TPD52L1: variants seen among roughly 807,000 people sequenced by gnomAD.
TPD52L1 encodes the protein TPD52 like 1.
A neutral mutation model predicts 28.7 loss-of-function variants in TPD52L1; 18 were observed. The observed-to-expected ratio is 0.63, with a 90% CI of 0.43 to 0.93. TPD52L1 has a LOEUF of 0.93. TPD52L1 is among the 40% of genes least tolerant of loss of function. TPD52L1 has a pLI of 0.00. For missense variants in TPD52L1, 203 were observed against 254.8 expected, an observed-to-expected ratio of 0.80 and a Z score of 1.39; for synonymous variants, 75 against 88.8, an observed-to-expected ratio of 0.84 and a Z score of 0.88.
At chr6:125,231,817 G>C (rs928551605) in intron 3 of TPD52L1, among the ~76,000 whole-genome samples, 1 of 152,136 alleles carries the variant, frequency 6.6e-6, no homozygotes, top group African/African-American at 2.4e-5. Context: ...TTAGGCTCAT[G>C]GTTGCTTGGG....
At chr6:125,202,456 A>T (rs1793853534) in intron 1 of TPD52L1, among the ~76,000 whole-genome samples, 1 of 152,138 alleles carries the variant, frequency 6.6e-6, no homozygotes, top group Non-Finnish European at 1.5e-5. Context: ...GGAGATAAGA[A>T]ACTGGTCCCA....
At chr6:125,214,368 G>A (rs1481433882) in intron 1 of TPD52L1, 1 of 693,280 alleles carries the variant, frequency 1.4e-6, no homozygotes, top group African/African-American at 2.0e-5. Context: ...AGAAAGGTGG[G>A]ACATACACAT....
chr6:125,247,466 C>A (rs1280161041), intron 3 of TPD52L1, among the ~76,000 whole-genome samples: 1 of 152,158 alleles, frequency 6.6e-6, no homozygotes, highest in African/African-American at 2.4e-5. Context: ...TTATCACTTA[C>A]CATCTCCTGT....
intron 3 of TPD52L1, among the ~76,000 whole-genome samples, chr6:125,245,938 A>AC (rs1285232242): frequency 1.3e-5 from 2 of 151,794 alleles, no homozygotes; most frequent in South Asian, 2.1e-4. Context: ...GTTTCCACTC[A>AC]CCCCCCAGAT....
At chr6:125,202,688 T>C (rs1297663795) in intron 1 of TPD52L1, among the ~76,000 whole-genome samples, 4 of 152,040 alleles carry the variant, frequency 2.6e-5, no homozygotes, top group Middle Eastern at 3.4e-3. Flanking sequence ...TTTCTTATAA[T>C]ATAATAAGTG....
intron 1 of TPD52L1, among the ~76,000 whole-genome samples, chr6:125,201,043 TG>T (rs930085535): frequency 6.6e-6 from 1 of 152,226 alleles, no homozygotes; most frequent in Non-Finnish European, 1.5e-5. Context: ...CGTTTCTTTT[TG>T]GAAAAGTTAC....
chr6:125,175,626 A>T (rs923488755), intron 1 of TPD52L1, among the ~76,000 whole-genome samples: 2 of 152,186 alleles, frequency 1.3e-5, no homozygotes, highest in African/African-American at 4.8e-5. Context: ...AAAAATAAAT[A>T]GGGAGAGAGG....
intron 2 of TPD52L1, among the ~76,000 whole-genome samples, chr6:125,221,253 C>T (rs1795211015): frequency 6.6e-6 from 1 of 152,192 alleles, no homozygotes; most frequent in Non-Finnish European, 1.5e-5. Context: ...AGCACAGTGC[C>T]TCAAATCTTT....
At chr6:125,160,724 A>AT (rs111792285) in intron 1 of TPD52L1, among the ~76,000 whole-genome samples, 2,553 of 152,280 alleles carry the variant, frequency 0.017, 78 homozygotes, top group African/African-American at 0.059. Context: ...TTTCATCTAT[A>AT]TGAAAATGTG....
At chr6:125,180,567 T>TACACACAC (rs201759232) in intron 1 of TPD52L1, among the ~76,000 whole-genome samples, 1 of 146,758 alleles carries the variant, frequency 6.8e-6, no homozygotes, top group East Asian at 2.5e-4. Flanking sequence ...ATATATTATA[T>TACACACAC]ATACACACAC....
chr6:125,189,545 C>G (rs1315693810), intron 1 of TPD52L1, among the ~76,000 whole-genome samples: 1 of 152,166 alleles, frequency 6.6e-6, no homozygotes, highest in East Asian at 1.9e-4. Context: ...TAGATATTCA[C>G]TAGGAAAACA....
At chr6:125,227,203 G>C (rs1228919296) in intron 2 of TPD52L1, among the ~76,000 whole-genome samples, 1 of 152,152 alleles carries the variant, frequency 6.6e-6, no homozygotes, top group East Asian at 1.9e-4. Context: ...CCAAGATATT[G>C]CTACTTCTTA....
intron 1 of TPD52L1, among the ~76,000 whole-genome samples, chr6:125,163,586 A>G (rs1037889449): frequency 1.3e-5 from 2 of 150,944 alleles, no homozygotes; most frequent in African/African-American, 4.9e-5. Flanking sequence ...CCTGTCTAAA[A>G]AAAAAAAAAA....
intron 1 of TPD52L1, among the ~76,000 whole-genome samples, chr6:125,171,047 T>G (rs955427305): frequency 6.6e-6 from 1 of 151,980 alleles, no homozygotes; most frequent in Non-Finnish European, 1.5e-5. Context: ...GCAATGAGAG[T>G]AGCTTGAACA....
At chr6:125,209,177 C>T (rs570251802) in intron 1 of TPD52L1, among the ~76,000 whole-genome samples, 29 of 152,348 alleles carry the variant, frequency 1.9e-4, no homozygotes, top group Admixed American at 7.2e-4. Context: ...TCTATGGCCA[C>T]ATGACCCAAA....
chr6:125,184,263 G>A (rs1792431636), intron 1 of TPD52L1, among the ~76,000 whole-genome samples: 1 of 152,202 alleles, frequency 6.6e-6, no homozygotes, highest in South Asian at 2.1e-4. Flanking sequence ...ACCAAGCAGT[G>A]GATCCTTTCA....
At chr6:125,193,294 A>G (rs371892780) in intron 1 of TPD52L1, among the ~76,000 whole-genome samples, 67 of 152,164 alleles carry the variant, frequency 4.4e-4, no homozygotes, top group Non-Finnish European at 7.9e-4. Context: ...CAAACTGCTT[A>G]TGTTTATGTT....
At chr6:125,183,745 C>A (rs894038111) in intron 1 of TPD52L1, among the ~76,000 whole-genome samples, 1 of 152,060 alleles carries the variant, frequency 6.6e-6, no homozygotes, top group Admixed American at 6.5e-5. Flanking sequence ...AGAAAGAGAT[C>A]AACTTTTAGC....
intron 1 of TPD52L1, among the ~76,000 whole-genome samples, chr6:125,198,078 AG>A: frequency 1.3e-5 from 2 of 152,342 alleles, no homozygotes; most frequent in East Asian, 3.9e-4. Context: ...AGCCAAGACC[AG>A]GGCACTCTGG....
Sources: gnomAD v4.1 joint callset for allele counts (sites outside exome capture counted in the v4.1 genomes callset) on GRCh38, gnomAD v4.1.1 for gene constraint, MANE v1.5 for transcripts, NCBI Gene and HGNC (gene_info 2026-07-23, HGNC 2026-07-21) for gene names.